BCKDHB: variants seen among roughly 807,000 people sequenced by gnomAD.
BCKDHB encodes the protein branched chain keto acid dehydrogenase E1 subunit beta.
A neutral mutation model predicts 48.5 loss-of-function variants in BCKDHB; 41 were observed. The observed-to-expected ratio is 0.85, with a 90% confidence interval of 0.66 to 1.10. The LOEUF is 1.10. BCKDHB is among the 50% of genes least tolerant of loss of function. The pLI is 0.00. For synonymous variants in BCKDHB, 201 were observed against 174.8 expected (o/e 1.15, Z -1.18); for missense variants, 496 against 494.2 (o/e 1.00, Z -0.03).
chr6:80,237,525 A>T (rs1441692484), intron 8 of BCKDHB, among the ~76,000 whole-genome samples: 1 of 152,228 alleles, frequency 6.6e-6, no homozygotes, highest in East Asian at 1.9e-4. Context: ...TTCACTCATC[A>T]TACTTAGTGT....
chr6:80,439,605 T>C, the BCKDHB span, among the ~76,000 whole-genome samples: 1 of 152,226 alleles, frequency 6.6e-6, no homozygotes, highest in Non-Finnish European at 1.5e-5. Context: ...ATTAGTTTCA[T>C]CTCATTACTT....
the BCKDHB span, among the ~76,000 whole-genome samples, chr6:80,425,266 A>G: frequency 5.8e-3 from 887 of 152,330 alleles, 10 homozygotes; most frequent in South Asian, 0.046. Context: ...AACATTCCTT[A>G]GGCCACACTG....
intron 3 of BCKDHB, among the ~76,000 whole-genome samples, chr6:80,142,115 G>A (rs1171929572): frequency 6.6e-6 from 1 of 151,936 alleles, no homozygotes; most frequent in African/African-American, 2.4e-5. Flanking sequence ...TTTTGATTCA[G>A]ATATAATTTT....
chr6:80,235,237 T>C (rs1776100887), intron 8 of BCKDHB, among the ~76,000 whole-genome samples: 1 of 152,252 alleles, frequency 6.6e-6, no homozygotes, highest in Non-Finnish European at 1.5e-5. Flanking sequence ...CAGTATGCAC[T>C]GTATGCATGT....
chr6:80,165,867 G>A (rs917063751), intron 3 of BCKDHB, among the ~76,000 whole-genome samples: 2 of 152,160 alleles, frequency 1.3e-5, no homozygotes, highest in African/African-American at 4.8e-5. Context: ...ACAAGTGTTG[G>A]CAAGGATTTG....
At chr6:80,217,773 T>C (rs1178725300) in intron 8 of BCKDHB, among the ~76,000 whole-genome samples, 1 of 152,218 alleles carries the variant, frequency 6.6e-6, no homozygotes, top group Non-Finnish European at 1.5e-5. Context: ...GGATTCTCCA[T>C]GCATGCTCAC....
At chr6:80,303,363 T>C (rs1036990527) in intron 9 of BCKDHB, among the ~76,000 whole-genome samples, 1 of 152,086 alleles carries the variant, frequency 6.6e-6, no homozygotes, top group Non-Finnish European at 1.5e-5. Context: ...ATATTGTAAC[T>C]GAATAAGTCT....
the BCKDHB span, among the ~76,000 whole-genome samples, chr6:80,459,858 G>A: frequency 4.9e-4 from 75 of 152,162 alleles, no homozygotes; most frequent in Non-Finnish European, 7.9e-4. Flanking sequence ...GGAATTACTC[G>A]ATGATCTGAG....
chr6:80,336,332 A>G (rs915087625), intron 9 of BCKDHB, among the ~76,000 whole-genome samples: 4 of 151,900 alleles, frequency 2.6e-5, no homozygotes, highest in African/African-American at 9.7e-5. Context: ...TTAGGCAGCT[A>G]GATTGTATCC....
At chr6:80,392,281 A>G in the BCKDHB span, among the ~76,000 whole-genome samples, 1 of 152,134 alleles carries the variant, frequency 6.6e-6, no homozygotes, top group Admixed American at 6.5e-5. Flanking sequence ...GGAGTGAGTC[A>G]CTGCGCCTGG....
the BCKDHB span, among the ~76,000 whole-genome samples, chr6:80,371,062 C>T: frequency 3.3e-5 from 5 of 152,084 alleles, no homozygotes; most frequent in Admixed American, 6.5e-5. Context: ...AAGGAATCCC[C>T]ACACTATTTT....
At chr6:80,162,902 C>T (rs1194807466) in intron 3 of BCKDHB, among the ~76,000 whole-genome samples, 2 of 151,776 alleles carry the variant, frequency 1.3e-5, no homozygotes, top group Non-Finnish European at 2.9e-5. Flanking sequence ...CTAGTGACTG[C>T]TCCCTTTCTC....
intron 9 of BCKDHB, among the ~76,000 whole-genome samples, chr6:80,320,273 G>C (rs145808457): frequency 6.6e-6 from 1 of 152,004 alleles, no homozygotes. Flanking sequence ...TTCCACAGAC[G>C]CAACAGGTTT....
At chr6:80,204,449 C>T (rs375411646) in intron 8 of BCKDHB, among the ~76,000 whole-genome samples, 2 of 152,066 alleles carry the variant, frequency 1.3e-5, no homozygotes, top group Non-Finnish European at 2.9e-5. Context: ...TCAAGTCAGA[C>T]ACCGGGTTTT....
the BCKDHB span, among the ~76,000 whole-genome samples, chr6:80,419,005 A>G: frequency 1.3e-5 from 2 of 152,158 alleles, no homozygotes; most frequent in Non-Finnish European, 2.9e-5. Context: ...CACTCAGGTC[A>G]GGGCAGAATC....
intron 3 of BCKDHB, among the ~76,000 whole-genome samples, chr6:80,143,274 T>G (rs760056487): frequency 2.0e-5 from 3 of 152,154 alleles, no homozygotes; most frequent in Non-Finnish European, 2.9e-5. Flanking sequence ...CTGAAGTCAC[T>G]TAACTGTCTC....
intron 9 of BCKDHB, among the ~76,000 whole-genome samples, chr6:80,342,579 AGAAAGG>A (rs1562241490): frequency 1.3e-4 from 17 of 132,458 alleles, no homozygotes; most frequent in Non-Finnish European, 1.6e-4. Flanking sequence ...AAAAAAAAAA[AGAAAGG>A]GAAGAAAGGG....
intron 9 of BCKDHB, among the ~76,000 whole-genome samples, chr6:80,342,429 T>G (rs7762655): frequency 6.6e-6 from 1 of 150,954 alleles, no homozygotes; most frequent in South Asian, 2.1e-4. Context: ...CTTTAAACGT[T>G]TTATTTTCAG....
At chr6:80,128,191 T>C (rs1770441315) in intron 2 of BCKDHB, among the ~76,000 whole-genome samples, 1 of 152,078 alleles carries the variant, frequency 6.6e-6, no homozygotes, top group Admixed American at 6.6e-5. Context: ...ATACAGTTTA[T>C]ATATGTGTGT....
Sources: allele counts gnomAD v4.1 joint callset (sites outside exome capture counted in the v4.1 genomes callset), GRCh38; gene constraint gnomAD v4.1.1; transcripts MANE v1.5; gene names NCBI Gene and HGNC (gene_info 2026-07-23, HGNC 2026-07-21).